Variants in RASSF9 observed in about 807,000 individuals in gnomAD.
RASSF9 encodes ras association domain-containing protein 9.
Under a neutral mutation model 21.4 loss-of-function variants are expected in RASSF9, and 18 were observed. The observed-to-expected ratio is 0.84, with a 90% CI of 0.58 to 1.25. RASSF9 has a LOEUF of 1.25. Among genes scored for constraint, RASSF9 ranks in the 50% most tolerant of loss-of-function variants. The probability of loss-of-function intolerance (pLI) is 0.00; values close to 1 mark genes in which losing one functional copy is unlikely to be tolerated. For synonymous variants in RASSF9, 183 were observed against 179.1 expected (o/e 1.02, Z -0.18); for missense variants, 480 against 503.2 (o/e 0.95, Z 0.44).
In RASSF9 at chr12:85,804,654, T is replaced by C; in HGVS notation, c.*48A>G. 6.8e-7 allele frequency: 1 copy of C among 1,463,128 alleles called. No individual in the cohort carries two copies. Among genetic ancestry groups the C allele is most frequent in the Non-Finnish European group, 9.2e-7 (1 of 1,091,608 alleles). 90.6% of individuals were successfully genotyped at this position (1,463,128 alleles called of 1,614,324 possible). On this transcript the variant is annotated 3_prime_UTR_variant, in exon 2 of 2. Transcript: ENST00000361228. Reference sequence around the variant, plus strand: ...TTTAAAATGAGGTTTCCTATTAAATTAAACAAACATTAAAACATGAAAGCA... The same window carrying C: ...TTTAAAATGAGGTTTCCTATTAAATCAAACAAACATTAAAACATGAAAGCA...
At chr12:85,825,854 C>A (rs1880322537) in intron 1 of RASSF9, among the ~76,000 whole-genome samples, 1 of 151,722 alleles carries the variant, frequency 6.6e-6, no homozygotes, top group Non-Finnish European at 1.5e-5. Context: ...TGTTTGAAAG[C>A]AATTTCAACC....
intron 1 of RASSF9, among the ~76,000 whole-genome samples, chr12:85,818,739 T>G (rs1880135335): frequency 6.6e-6 from 1 of 152,014 alleles, no homozygotes; most frequent in Non-Finnish European, 1.5e-5. Context: ...GGCGGGCGGA[T>G]CATGAGGTCA....
chr12:85,830,436 T>G (rs1880425315), intron 1 of RASSF9, among the ~76,000 whole-genome samples: 1 of 152,132 alleles, frequency 6.6e-6, no homozygotes, highest in Non-Finnish European at 1.5e-5. Context: ...TGATCAGCTG[T>G]ATTTTAAGAG....
rs183873286 is a variant in RASSF9 at position 85,808,985 on chromosome 12, C to A, written c.48-3023G>T. On this transcript the variant is annotated intron_variant, in intron 1 of 1. Transcript: ENST00000361228. ...AGCATTAAAGATAGTAACTATCAAT[C>A]ATAAAGTATCTAAAATGTTCCAGGC... is the stretch of plus-strand genomic sequence containing the variant. Among the ~76,000 whole-genome samples, 373 of 152,204 alleles carry A rather than the reference C, an allele frequency of 2.5e-3. 6 individuals carry two copies. The highest frequency in any genetic ancestry group is 0.022 in the Admixed American group (335 of 15,280).
Position 85,801,306 on chromosome 12 carries a change from G to T in RASSF9, c.*3396C>A, listed in dbSNP as rs1218364322. On this transcript the variant is annotated 3_prime_UTR_variant, in exon 2 of 2. Transcript: ENST00000361228. Reference sequence around the variant, plus strand: ...ATTTTTCTTTCCCAAAATGTATAAGGTCAATTACTGTTAATGTTTTAAGTC... The same window carrying T: ...ATTTTTCTTTCCCAAAATGTATAAGTTCAATTACTGTTAATGTTTTAAGTC... 2.0e-5 allele frequency: 3 copies of T among 151,974 alleles called. No individual in the cohort carries two copies. 9.4% of individuals were successfully genotyped at this position (151,974 alleles called of 1,614,324 possible).
intron 1 of RASSF9, 151 bp downstream of exon 1, chr12:85,836,004 T>C: frequency 6.8e-7 from 1 of 1,467,662 alleles, no homozygotes; most frequent in Non-Finnish European, 9.0e-7. Flanking sequence ...GCCTAACTCC[T>C]TAGGCTAGGA....
intron 1 of RASSF9, among the ~76,000 whole-genome samples, chr12:85,827,544 G>C (rs190835117): frequency 1.3e-5 from 2 of 152,118 alleles, no homozygotes; most frequent in Non-Finnish European, 2.9e-5. Context: ...TGCATTTAAA[G>C]TACAATCAAC....
chr12:85,827,029 G>A (rs1482114159), intron 1 of RASSF9, among the ~76,000 whole-genome samples: 3 of 151,578 alleles, frequency 2.0e-5, no homozygotes, highest in African/African-American at 2.4e-5. Flanking sequence ...TAGTATAGAC[G>A]CTGTTTTGTA....
At chr12:85,823,411 T>A (rs1041141381) in intron 1 of RASSF9, among the ~76,000 whole-genome samples, 5 of 152,176 alleles carry the variant, frequency 3.3e-5, no homozygotes, top group Non-Finnish European at 7.3e-5. Flanking sequence ...CATTCTCACA[T>A]GGATCTTCCT....
chr12:85,824,095 A>G (rs576065180), intron 1 of RASSF9, among the ~76,000 whole-genome samples: 4 of 152,066 alleles, frequency 2.6e-5, no homozygotes, highest in Non-Finnish European at 5.9e-5. Flanking sequence ...CTCTAGACCT[A>G]TATTCCCAAC....
At chr12:85,830,261 C>A (rs192821807) in intron 1 of RASSF9, among the ~76,000 whole-genome samples, 1 of 152,126 alleles carries the variant, frequency 6.6e-6, no homozygotes, top group Admixed American at 6.6e-5. Context: ...TGTTTTTCTA[C>A]CAAAAGTCTG....
chr12:85,816,104 G>GTCC (rs1880058314), intron 1 of RASSF9, among the ~76,000 whole-genome samples: 1 of 152,018 alleles, frequency 6.6e-6, no homozygotes, highest in Non-Finnish European at 1.5e-5. Context: ...GGCGCTAAAT[G>GTCC]ATGAGAACAC....
At chr12:85,805,984 A>G (rs1451241913) in intron 1 of RASSF9, 22 bp from the exon 2 acceptor site, 11 of 1,586,176 alleles carry the variant, frequency 6.9e-6, no homozygotes, top group Non-Finnish European at 9.4e-6. Context: ...ACAAAAGCAC[A>G]TTATATTTCT....
At chr12:85,819,468 T>A (rs1211988571) in intron 1 of RASSF9, among the ~76,000 whole-genome samples, 1 of 152,230 alleles carries the variant, frequency 6.6e-6, no homozygotes, top group Admixed American at 6.5e-5. Flanking sequence ...AATTATTTTC[T>A]AATAAAAAAT....
In RASSF9 at chr12:85,836,279, G is replaced by A; in HGVS notation, c.-78C>T. On this transcript the variant is annotated 5_prime_UTR_variant, in exon 1 of 2. Transcript: ENST00000361228. ...GGGTGGGGGTGTCTGGATTTCCAGG[G>A]TGAAGGGAGGAGGGCTGGAAGCTTT... The A allele has an allele frequency of 1.3e-6, 2 of 1,534,464 alleles. No homozygotes were observed. Among genetic ancestry groups the A allele is most frequent in the Non-Finnish European group, 1.8e-6 (2 of 1,134,372 alleles).
Position 85,806,016 on chromosome 12 carries a change from G to A in RASSF9, c.48-54C>T, listed in dbSNP as rs894703956. On this transcript the variant is annotated intron_variant, in intron 1 of 1. Coordinates refer to ENST00000361228, the MANE Select transcript of RASSF9 (RefSeq NM_005447.4). ...TTCTGTCATTGCCTGTGTAAACTCA[G>A]AAAGATGGTTTAACATTAGTATGCT... is the stretch of plus-strand genomic sequence containing the variant. 8.7e-5 allele frequency: 132 copies of A among 1,519,238 alleles called. No homozygotes were observed. In the African/African-American group the frequency reaches 1.7e-3, roughly 19 times the overall value. 94.1% of individuals were successfully genotyped at this position (1,519,238 alleles called of 1,614,324 possible).
At position 85,804,778 on chromosome 12, in the gene RASSF9, G is replaced by A. The variant is rs772896742; in HGVS notation, c.1232C>T (p.Ser411Leu). Reference protein sequence around the residue: ...VFSNYTNDTDSDTGISSNHSQ... With the variant: ...VFSNYTNDTDLDTGISSNHSQ... ...GTGGTTAGAACTGATACCAGTGTCC[G>A]AGTCTGTGTCATTTGTGTAATTGCT... Residue 411 changes from serine (S) to leucine (L), a missense_variant, in exon 2 of 2, where the codon TCG (serine) becomes TTG (leucine). Coordinates refer to ENST00000361228, the MANE Select transcript of RASSF9 (RefSeq NM_005447.4). 8.1e-6 allele frequency: 13 copies of A among 1,613,828 alleles called. No homozygotes were observed. Among genetic ancestry groups the A allele is most frequent in the African/African-American group, 1.3e-5 (1 of 75,042 alleles).
intron 1 of RASSF9, among the ~76,000 whole-genome samples, chr12:85,806,376 A>T (rs545192629): frequency 6.7e-6 from 1 of 149,006 alleles, no homozygotes; most frequent in East Asian, 2.1e-4. Flanking sequence ...AGTTGAGAAT[A>T]AGAGTCAGAA....
At position 85,805,797 on chromosome 12, in the gene RASSF9, C is replaced by G. The variant is rs773388500; in HGVS notation, c.213G>C (p.Leu71=). Reference sequence around the variant, plus strand: ...TGATGCAGTAATCACTGGGCTTCCCCAGAAGAAATCGTTTCTCTCCAAACG... The same window carrying G: ...TGATGCAGTAATCACTGGGCTTCCCGAGAAGAAATCGTTTCTCTCCAAACG... ...EATFGEKRFL[L]GKPSDYCIIE... is the part of the protein sequence containing the mutation. The change falls in exon 2 of 2, where the codon CTG becomes CTC. Residue 71 remains leucine (L), a synonymous_variant. Coordinates refer to ENST00000361228, the MANE Select transcript of RASSF9 (RefSeq NM_005447.4). 1.2e-6 allele frequency: 2 copies of G among 1,613,888 alleles called. No individual in the cohort carries two copies. The highest frequency in any genetic ancestry group is 8.5e-7 in the Non-Finnish European group (1 of 1,179,896).
Sources: allele counts gnomAD v4.1 joint callset (sites outside exome capture counted in the v4.1 genomes callset), GRCh38; gene constraint gnomAD v4.1.1; transcripts MANE v1.5; gene names NCBI Gene and HGNC (gene_info 2026-07-23, HGNC 2026-07-21).